The following EIF3A variants were observed in gnomAD, a reference collection of about 807,000 sequenced individuals.
EIF3A encodes eukaryotic translation initiation factor 3 subunit A.
A neutral mutation model predicts 186.6 loss-of-function variants in EIF3A; 21 were observed. The ratio of observed to expected loss-of-function variants is 0.11; its 90% CI spans 0.08 to 0.16. The LOEUF (loss-of-function observed/expected upper bound fraction) is 0.16. EIF3A is among the 10% of genes least tolerant of loss of function. EIF3A has a pLI of 1.00. For synonymous variants in EIF3A, 563 were observed against 584.3 expected (o/e 0.96, Z 0.52); for missense variants, 1,306 against 1,796.3 (o/e 0.73, Z 4.93).
intron 1 of EIF3A, chr10:119,080,259 G>A (rs1417601522): frequency 5.2e-6 from 5 of 964,118 alleles, no homozygotes; most frequent in Non-Finnish European, 2.5e-6. Flanking sequence ...GGCGGCCGGG[G>A]ACGCGGGCCC....
At position 119,042,602 on chromosome 10, in the gene EIF3A, T is replaced by C. The variant is rs1447055905; in HGVS notation, c.2918A>G (p.Glu973Gly). 3 of 1,614,014 alleles carry C rather than the reference T, an allele frequency of 1.9e-6. No homozygotes were observed. In the Admixed American group the frequency reaches 5.0e-5, roughly 27 times the overall value. Residue 973 changes from glutamate to glycine, a missense_variant, in exon 19 of 22, where the codon GAG (glutamate) becomes GGG (glycine). Physicochemically the swap from Glu to Gly is moderately conservative, Grantham distance 98 (BLOSUM62 -2). This residue lies in a region of EIF3A where 410 missense variants were observed against 473.5 expected (regional missense o/e 0.87). Transcript: ENST00000369144. This position sits in a 1 kb window ranked among gnomAD's most constrained non-coding sequence, Gnocchi z 7.8. The part of the protein sequence containing the change: ...DDDRGPRRGP[E>G]EDRFSRRGAD... ...CCCACGACGAGAGAACCTATCTTCC[T>C]CAGGACCACGTCTAGGGCCTCTGTC...
At position 119,049,790 on chromosome 10, in the gene EIF3A, C is replaced by CCTAT; in HGVS notation, c.2658+7_2658+10dup. The stretch of plus-strand genomic sequence containing the variant: ...TTAAAACAAAATAAAATCAATAAAC[C>CCTAT]CTATACTCACCTTTCTAGAAAGGGA... On this transcript the variant is annotated intron_variant, in intron 17 of 21. Coordinates refer to ENST00000369144, the MANE Select transcript of EIF3A (RefSeq NM_003750.4). The CCTAT allele has an allele frequency of 6.2e-7, 1 of 1,610,242 alleles. No individual in the cohort carries two copies.
rs754701550 is a variant in EIF3A, at chr10:119,036,097, G to A, written c.4091C>T (p.Ser1364Phe). The change falls in exon 22 of 22, where the codon TCT becomes TTT. Residue 1364 changes from serine to phenylalanine, a missense_variant. Transcript: ENST00000369144. Reference sequence around the variant, plus strand: ...AGTCTCATTTTTAGTACGACGGAGAGATTCCCTATCTTTCTCAGCTCTCCA... The same window carrying A: ...AGTCTCATTTTTAGTACGACGGAGAAATTCCCTATCTTTCTCAGCTCTCCA... Reference protein sequence around the residue: ...ASWRAEKDRESLRRTKNETDE... With the variant: ...ASWRAEKDREFLRRTKNETDE... The A allele has an allele frequency of 6.2e-7, 1 of 1,613,904 alleles. No individual in the cohort carries two copies. The highest frequency in any genetic ancestry group is 8.5e-7 in the Non-Finnish European group (1 of 1,179,968).
intron 6 of EIF3A, among the ~76,000 whole-genome samples, chr10:119,068,608 G>A (rs945744270): frequency 2.0e-5 from 3 of 151,804 alleles, no homozygotes; most frequent in African/African-American, 7.3e-5. Flanking sequence ...CCCAGGAGGC[G>A]GAGTGAGATC....
intron 14 of EIF3A, among the ~76,000 whole-genome samples, chr10:119,051,857 TC>T (rs1848360849): frequency 1.3e-5 from 2 of 152,184 alleles, no homozygotes; most frequent in African/African-American, 4.8e-5. Flanking sequence ...ATGGTGAGAC[TC>T]CTGTTCTCAA....
chr10:119,069,541 T>C lies in EIF3A; in HGVS notation c.855A>G (p.Lys285=). ...YYNKVSTVFW[K]SGNALFHAST... ...ATGCATGAAAAAGAGCATTTCCAGA[T>C]TTCCAAAACACAGTTGAGACTTTGT... Residue 285 remains lysine, a synonymous_variant, in exon 6 of 22, where the codon AAA becomes AAG. Coordinates refer to ENST00000369144, the MANE Select transcript of EIF3A (RefSeq NM_003750.4). 6.3e-7 allele frequency: 1 copy of C among 1,595,222 alleles called. No individual in the cohort carries two copies. The highest frequency in any genetic ancestry group is 8.6e-7 in the Non-Finnish European group (1 of 1,163,060).
intron 7 of EIF3A, among the ~76,000 whole-genome samples, chr10:119,064,071 CCT>C (rs2119819770): frequency 6.6e-6 from 1 of 152,124 alleles, no homozygotes; most frequent in East Asian, 1.9e-4. Context: ...AGAGCTAGAC[CCT>C]GTCTCAAAAA....
intron 19 of EIF3A, among the ~76,000 whole-genome samples, chr10:119,039,892 T>C (rs1848185128): frequency 6.6e-6 from 1 of 152,120 alleles, no homozygotes; most frequent in East Asian, 1.9e-4. Flanking sequence ...GACAAAAATA[T>C]CATGACTAGA....
At chr10:119,075,858 GC>G (rs1844162842) in intron 1 of EIF3A, among the ~76,000 whole-genome samples, 1 of 143,628 alleles carries the variant, frequency 7.0e-6, no homozygotes. Flanking sequence ...GGACTACGGA[GC>G]TCGCCACCAC....
intron 14 of EIF3A, among the ~76,000 whole-genome samples, chr10:119,055,334 T>C (rs1848410874): frequency 6.6e-6 from 1 of 152,168 alleles, no homozygotes; most frequent in Admixed American, 6.5e-5. Flanking sequence ...ACAGATTAAG[T>C]TCACCGCCTT....
chr10:119,041,701 A>G (rs1399585872), intron 19 of EIF3A, among the ~76,000 whole-genome samples: 2 of 152,242 alleles, frequency 1.3e-5, no homozygotes, highest in African/African-American at 4.8e-5. Context: ...AACCTGAAAA[A>G]TACACCAATA....
chr10:119,071,622 C>G (rs745754402), intron 4 of EIF3A, among the ~76,000 whole-genome samples: 3 of 152,044 alleles, frequency 2.0e-5, no homozygotes, highest in African/African-American at 4.8e-5. Context: ...TTTCCTTTCC[C>G]CTTAAAAATA....
rs774380221 is a variant in EIF3A at position 119,042,111 on chromosome 10, T to C, written c.3409A>G (p.Arg1137Gly). The change falls in exon 19 of 22, where the codon AGG (arginine) becomes GGG (glycine). Residue 1137 changes from arginine to glycine, a missense_variant. Arg to Gly is a moderately radical substitution (Grantham distance 125, BLOSUM62 -2). Coordinates refer to ENST00000369144, the MANE Select transcript of EIF3A (RefSeq NM_003750.4). This position sits in a 1 kb window ranked among gnomAD's most constrained non-coding sequence, Gnocchi z 7.8. ...RIPRRGAEDD[R>G]GPWRNMDDDR... is the part of the protein sequence containing the mutation. ...TCATCCATGTTTCTCCAAGGGCCCC[T>C]GTCATCCTCTGCACCACGCCTGGGA... 10 of 1,614,014 alleles carry C rather than the reference T, an allele frequency of 6.2e-6. No homozygotes were observed. Among genetic ancestry groups the C allele is most frequent in the Non-Finnish European group, 8.5e-6 (10 of 1,180,036 alleles).
chr10:119,077,741 G>C (rs1844200850), intron 1 of EIF3A, among the ~76,000 whole-genome samples: 1 of 151,896 alleles, frequency 6.6e-6, no homozygotes, highest in Admixed American at 6.6e-5. Flanking sequence ...ATTTTTACTA[G>C]AGACGGTTTC....
intron 5 of EIF3A, 45 bp downstream of exon 5, chr10:119,070,841 A>G (rs777008445): frequency 2.2e-6 from 3 of 1,373,256 alleles, no homozygotes; most frequent in Non-Finnish European, 3.1e-6. Context: ...GAAAAGTAAC[A>G]CAGACTATTA....
intron 19 of EIF3A, among the ~76,000 whole-genome samples, chr10:119,041,394 G>A (rs140290645): frequency 0.01 from 1,556 of 152,008 alleles, 25 homozygotes; most frequent in African/African-American, 0.035. Context: ...GCAACATAGC[G>A]AAACCCCGTC....
intron 1 of EIF3A, among the ~76,000 whole-genome samples, chr10:119,077,073 G>C (rs1844188481): frequency 6.6e-6 from 1 of 152,144 alleles, no homozygotes; most frequent in Non-Finnish European, 1.5e-5. Flanking sequence ...CACAGCAGCA[G>C]CACTAAAATG....
Position 119,057,966 on chromosome 10 carries a change from A to G in EIF3A, c.1967T>C (p.Ile656Thr). 1.2e-6 allele frequency: 2 copies of G among 1,611,014 alleles called. No individual in the cohort carries two copies. The highest frequency in any genetic ancestry group is 2.2e-5 in the East Asian group (1 of 44,870). The change falls in exon 12 of 22, where the codon ATT (isoleucine) becomes ACT (threonine). Residue 656 changes from isoleucine (I) to threonine (T), a missense_variant. By Grantham distance (89) the Ile-to-Thr change is moderately conservative. This residue lies in a region of EIF3A where 94 missense variants were observed against 204.9 expected (regional missense o/e 0.46). Coordinates refer to ENST00000369144, the MANE Select transcript of EIF3A (RefSeq NM_003750.4). ...TAAGATGCTACGTACTTCAATATCA[A>G]TATCTTTGAATGCTTTGGCACCCAG... ...TELGAKAFKD[I>T]DIEDLEELDP...
At chr10:119,063,849 G>A (rs1209593603) in intron 7 of EIF3A, among the ~76,000 whole-genome samples, 3 of 152,184 alleles carry the variant, frequency 2.0e-5, no homozygotes, top group Admixed American at 6.5e-5. Context: ...TAGGGAAGCC[G>A]AGGGGGATCG....
Sources: gnomAD v4.1 joint callset for allele counts (sites outside exome capture counted in the v4.1 genomes callset) on GRCh38, gnomAD v4.1.1 for gene constraint, gnomAD v4.1.1 regional missense constraint, Gnocchi (gnomAD v3.1) non-coding constraint, MANE v1.5 for transcripts, NCBI Gene and HGNC (gene_info 2026-07-23, HGNC 2026-07-21) for gene names.